Variants in ZNF451 observed in about 807,000 individuals in gnomAD.
The protein encoded by ZNF451 is zinc finger protein 451, also known as E3 SUMO-protein ligase ZNF451.
ZNF451 carries 80 observed loss-of-function variants against 107.1 expected under a neutral mutation model. The observed-to-expected ratio is 0.75, with a 90% CI of 0.62 to 0.90. The LOEUF is 0.90. Among genes scored for constraint, ZNF451 ranks in the 40% least tolerant of loss-of-function variants. The pLI, the probability that ZNF451 is intolerant of heterozygous loss-of-function variation, is 0.00. For missense variants in ZNF451, 1,107 were observed against 1,236.2 expected, an observed-to-expected ratio of 0.90 and a Z score of 1.57; for synonymous variants, 362 against 406.5, an observed-to-expected ratio of 0.89 and a Z score of 1.32.
chr6:57,109,707 TAAAGTA>T (rs2127947640), intron 3 of ZNF451: 1 of 962,860 alleles, frequency 1.0e-6, no homozygotes, highest in Non-Finnish European at 1.2e-6. Flanking sequence ...AAGATATATT[TAAAGTA>T]AAATAGTCTC....
intron 2 of ZNF451, among the ~76,000 whole-genome samples, chr6:57,091,650 A>T (rs549897372): frequency 7.2e-5 from 11 of 152,280 alleles, no homozygotes; most frequent in Admixed American, 2.0e-4. Context: ...TTCCATAATT[A>T]TTGGAGTTTT....
chr6:57,152,172 CT>C (rs1337414890), intron 11 of ZNF451, 48 bp from the exon 12 acceptor site: 1 of 1,535,684 alleles, frequency 6.5e-7, no homozygotes, highest in Non-Finnish European at 8.7e-7. Flanking sequence ...AATTTTTGGC[CT>C]TTCCTCTCCT....
intron 3 of ZNF451, among the ~76,000 whole-genome samples, chr6:57,117,877 T>C (rs1051453984): frequency 6.6e-6 from 1 of 152,198 alleles, no homozygotes; most frequent in Non-Finnish European, 1.5e-5. Context: ...AGTGGAAACA[T>C]CAATTCAAGG....
chr6:57,159,521 AAG>A (rs1194497896), intron 13 of ZNF451: 13 of 332,536 alleles, frequency 3.9e-5, no homozygotes, highest in Non-Finnish European at 4.7e-5. Flanking sequence ...AAAACATTAT[AAG>A]AGTTTTTTTT....
rs1764067554 is a variant in ZNF451 at position 57,170,107 on chromosome 6, TAAGAA to T, written c.*1642_*1646del. 1 of 152,202 alleles carries T rather than the reference TAAGAA, an allele frequency of 6.6e-6. No individual in the cohort carries two copies. The highest frequency in any genetic ancestry group is 2.4e-5 in the African/African-American group (1 of 41,448). The allele number at this position is 152,202 out of a possible 1,614,324, so 9.4% of individuals were successfully genotyped here. On this transcript the variant is annotated 3_prime_UTR_variant, in exon 15 of 15. Transcript: ENST00000370706. ...GAAAGGGATATTTCATCATGACTGT[TAAGAA>T]AAGGTAACTGGGTTGTTTAATGTTT...
chr6:57,140,449 A>G (rs1005115578), intron 7 of ZNF451, among the ~76,000 whole-genome samples: 4 of 152,090 alleles, frequency 2.6e-5, no homozygotes, highest in African/African-American at 7.2e-5. Context: ...AATCTGTAAT[A>G]TATATTACTG....
intron 12 of ZNF451, 122 bp from the exon 13 acceptor site, chr6:57,153,739 G>A: frequency 1.1e-6 from 1 of 933,358 alleles, no homozygotes; most frequent in Non-Finnish European, 1.6e-6. Flanking sequence ...TCATACTTTG[G>A]TAGGGACTAG....
At chr6:57,153,104 C>T (rs1832425169) in intron 12 of ZNF451, among the ~76,000 whole-genome samples, 1 of 152,148 alleles carries the variant, frequency 6.6e-6, no homozygotes, top group Non-Finnish European at 1.5e-5. Context: ...ATTTACTCTG[C>T]AAACTTGTTG....
At chr6:57,144,391 C>G (rs1831952275) in intron 9 of ZNF451, among the ~76,000 whole-genome samples, 4 of 151,610 alleles carry the variant, frequency 2.6e-5, no homozygotes, top group South Asian at 2.1e-4. Context: ...TAGGTGTGTG[C>G]CACCATACCT....
intron 3 of ZNF451, among the ~76,000 whole-genome samples, chr6:57,112,625 C>G (rs1830163489): frequency 6.6e-6 from 1 of 152,046 alleles, no homozygotes; most frequent in African/African-American, 2.4e-5. Context: ...CAGAAAGTGC[C>G]TATGATGAGT....
intron 14 of ZNF451, among the ~76,000 whole-genome samples, chr6:57,164,623 A>ATC (rs1283392598): frequency 1.3e-5 from 2 of 152,166 alleles, no homozygotes; most frequent in African/African-American, 4.8e-5. Flanking sequence ...ACTGCTCTTA[A>ATC]TCTTAACAAC....
At chr6:57,101,890 G>A (rs1457846785) in intron 3 of ZNF451, 3 of 1,550,566 alleles carry the variant, frequency 1.9e-6, no homozygotes, top group East Asian at 4.9e-5. Flanking sequence ...TGTGAAAGCT[G>A]TTGTTGCAGA....
chr6:57,102,596 A>G, intron 3 of ZNF451: 1 of 986,706 alleles, frequency 1.0e-6, no homozygotes, highest in Non-Finnish European at 1.2e-6. Context: ...CACATCTGTT[A>G]AAATGTCTTT....
At chr6:57,148,792 C>G in intron 10 of ZNF451, 99 bp downstream of exon 10, 2 of 1,125,828 alleles carry the variant, frequency 1.8e-6, no homozygotes, top group Non-Finnish European at 2.5e-6. Context: ...AGGGTAACTT[C>G]TTGATGGTAT....
rs755743632 is a variant in ZNF451 at position 57,148,674 on chromosome 6, C to T, written c.2589C>T (p.Asp863=). Residue 863 remains aspartate, a synonymous_variant, in exon 10 of 15, where the codon GAC becomes GAT. Coordinates refer to ENST00000370706, the MANE Select transcript of ZNF451 (RefSeq NM_001031623.3). ...ACATGGAGAAAGGAGTTGAGAATGA[C>T]CTAAGCTATCAGAATATAGGTATGG... The part of the protein sequence containing the change: ...SLDMEKGVEN[D]LSYQNIEEEI... 5 of 1,609,706 alleles carry T rather than the reference C, an allele frequency of 3.1e-6. No individual in the cohort carries two copies. Among genetic ancestry groups the T allele is most frequent in the Admixed American group, 1.7e-5 (1 of 59,534 alleles).
chr6:57,134,648 G>A (rs930236171), intron 6 of ZNF451, 96 bp from the exon 7 acceptor site: 25 of 1,062,576 alleles, frequency 2.4e-5, no homozygotes, highest in Non-Finnish European at 3.3e-5. Flanking sequence ...TTCTGAATGT[G>A]TGTGTATGTG....
At chr6:57,109,910 G>A (rs1294439005) in intron 3 of ZNF451, among the ~76,000 whole-genome samples, 1 of 152,184 alleles carries the variant, frequency 6.6e-6, no homozygotes, top group Non-Finnish European at 1.5e-5. Flanking sequence ...GTGCAGGCAG[G>A]TATTGAGAAA....
intron 7 of ZNF451, among the ~76,000 whole-genome samples, chr6:57,140,736 G>A (rs955667711): frequency 2.0e-5 from 3 of 152,154 alleles, no homozygotes; most frequent in African/African-American, 7.2e-5. Flanking sequence ...GGCGTAGTTT[G>A]CAACCATTAA....
At chr6:57,159,166 G>A (rs944589223) in intron 13 of ZNF451, 3 of 985,108 alleles carry the variant, frequency 3.0e-6, no homozygotes, top group East Asian at 1.1e-4. Context: ...GAATATTTAC[G>A]ATTTTCTCTG....
Sources: gnomAD v4.1 joint callset for allele counts (sites outside exome capture counted in the v4.1 genomes callset) on GRCh38, gnomAD v4.1.1 for gene constraint, MANE v1.5 for transcripts, NCBI Gene and HGNC (gene_info 2026-07-23, HGNC 2026-07-21) for gene names.